The following SGIP1 variants were observed in gnomAD, a reference collection of about 807,000 sequenced individuals.
SGIP1 encodes the protein SH3GL interacting endocytic adaptor 1.
SGIP1 carries 38 observed loss-of-function variants against 107.5 expected under a neutral mutation model. The observed-to-expected ratio is 0.35, with a 90% CI of 0.27 to 0.46. The LOEUF (loss-of-function observed/expected upper bound fraction) is 0.46, where lower values mean the gene tolerates loss of function less well. Ranked by LOEUF, SGIP1 falls within the 20% of genes least tolerant of loss-of-function variation. The probability of loss-of-function intolerance (pLI) is 1.00; values close to 1 mark genes in which losing one functional copy is unlikely to be tolerated. For missense variants in SGIP1, 929 were observed against 1,019.5 expected (o/e 0.91, Z 1.21); for synonymous variants, 365 against 366.1 (o/e 1.00, Z 0.03).
Position 66,740,675 on chromosome 1 carries a change from G to A in SGIP1, c.2252G>A (p.Arg751Lys). Reference protein sequence around the residue: ...PPAVWNAEQQRILWKIPDISQ... With the variant: ...PPAVWNAEQQKILWKIPDISQ... ...ATTTTTAGGAATGCTGAACAACAGA[G>A]AATATTGTGGAAGATTCCTGATATC... Residue 751 changes from arginine (R) to lysine (K), a missense_variant, in exon 23 of 25, where the codon AGA becomes AAA. Arg to Lys is a conservative substitution (Grantham distance 26). Around this residue, in one of 2 missense-constraint regions of SGIP1, gnomAD observed 341 missense variants for 430.9 expected, o/e 0.79. Coordinates refer to ENST00000371037, the MANE Select transcript of SGIP1 (RefSeq NM_032291.4). 4 of 1,607,588 alleles carry A rather than the reference G, an allele frequency of 2.5e-6. No homozygotes were observed. Among genetic ancestry groups the A allele is most frequent in the Non-Finnish European group, 3.4e-6 (4 of 1,175,570 alleles).
At chr1:66,653,306 AT>A (rs111229923) in intron 7 of SGIP1, among the ~76,000 whole-genome samples, 22 of 151,104 alleles carry the variant, frequency 1.5e-4, no homozygotes, top group East Asian at 1.2e-3. Flanking sequence ...TTCATTACTG[AT>A]TTTTTTTTCC....
chr1:66,723,824 T>C (rs1012301835), intron 19 of SGIP1, among the ~76,000 whole-genome samples: 4 of 152,200 alleles, frequency 2.6e-5, no homozygotes, highest in African/African-American at 9.6e-5. Context: ...GACCCAGAAC[T>C]TGTCTTCACA....
intron 18 of SGIP1, among the ~76,000 whole-genome samples, chr1:66,706,308 A>G (rs925842848): frequency 6.9e-6 from 1 of 144,632 alleles, no homozygotes. Flanking sequence ...TATATTATAC[A>G]TAAAATATAA....
Position 66,739,550 on chromosome 1 carries a change from C to T in SGIP1, c.2234+13C>T. ...CACCAGCAGTCTGGTATGAAGCCTC[C>T]TATTCTCTCCACCAAAGGGCTCCTC... On this transcript the variant is annotated intron_variant, in intron 22 of 24. Transcript: ENST00000371037. 6.2e-7 allele frequency: 1 copy of T among 1,612,924 alleles called. No individual in the cohort carries two copies. The highest frequency in any genetic ancestry group is 2.2e-5 in the East Asian group (1 of 44,876).
chr1:66,553,453 A>G (rs2057730727), intron 1 of SGIP1, among the ~76,000 whole-genome samples: 1 of 151,984 alleles, frequency 6.6e-6, no homozygotes, highest in Admixed American at 6.6e-5. Context: ...AGGTGGGTGG[A>G]TCATTTGAGG....
In SGIP1 at chr1:66,643,739, G is replaced by GTGTA; in HGVS notation, c.459+23_459+24insATGT. Reference sequence around the variant, plus strand: ...CCAGTGGTGAGTGTTGTGTGTGTGTGTGTTAAGCTTTAGTGAGATTGAACA... The same window carrying GTGTA: ...CCAGTGGTGAGTGTTGTGTGTGTGTGTGTATGTTAAGCTTTAGTGAGATTGAACA... On this transcript the variant is annotated intron_variant, in intron 7 of 24. Transcript: ENST00000371037. The GTGTA allele has an allele frequency of 6.3e-7, 1 of 1,583,738 alleles. No homozygotes were observed. The highest frequency in any genetic ancestry group is 1.2e-5 in the South Asian group (1 of 85,336).
intron 9 of SGIP1, among the ~76,000 whole-genome samples, chr1:66,670,573 A>G (rs910247821): frequency 7.9e-5 from 12 of 152,230 alleles, no homozygotes; most frequent in Non-Finnish European, 1.8e-4. Flanking sequence ...TTCCATTAGC[A>G]ACCTGGGGAC....
chr1:66,614,476 G>C (rs9787219), intron 1 of SGIP1, among the ~76,000 whole-genome samples: 77,902 of 152,036 alleles, frequency 0.51, 20,953 homozygotes, highest in East Asian at 0.88. Context: ...TACATGCATC[G>C]TGGTAGCCTT....
intron 3 of SGIP1, among the ~76,000 whole-genome samples, chr1:66,634,975 A>C (rs1009249784): frequency 6.6e-6 from 1 of 152,190 alleles, no homozygotes; most frequent in East Asian, 1.9e-4. Flanking sequence ...CTATAGACCC[A>C]GTTCACTTTT....
intron 1 of SGIP1, among the ~76,000 whole-genome samples, chr1:66,558,595 C>T (rs1187895949): frequency 1.3e-5 from 2 of 151,994 alleles, no homozygotes; most frequent in Non-Finnish European, 2.9e-5. Flanking sequence ...ATGTGCCAGA[C>T]ACTGTTCTGG....
chr1:66,690,100 C>A, intron 16 of SGIP1, 90 bp from the exon 17 acceptor site: 2 of 1,461,432 alleles, frequency 1.4e-6, no homozygotes, highest in South Asian at 1.3e-5. Flanking sequence ...CCTAAGTTGT[C>A]ATATCTGGGG....
chr1:66,576,442 T>C (rs1231346167), intron 1 of SGIP1, among the ~76,000 whole-genome samples: 1 of 152,160 alleles, frequency 6.6e-6, no homozygotes, highest in East Asian at 1.9e-4. Flanking sequence ...TTCAAGTCAT[T>C]TACCTTTGTA....
chr1:66,719,216 T>G (rs1229912449), intron 18 of SGIP1, 78 bp from the exon 19 acceptor site: 3 of 941,250 alleles, frequency 3.2e-6, no homozygotes, highest in Non-Finnish European at 4.8e-6. Flanking sequence ...TCCTTAATCC[T>G]TTAATGGGCT....
chr1:66,658,230 A>T (rs2080174024), intron 7 of SGIP1, among the ~76,000 whole-genome samples: 1 of 152,204 alleles, frequency 6.6e-6, no homozygotes, highest in South Asian at 2.1e-4. Flanking sequence ...AACTACAAGG[A>T]TGTAGTCCCT....
intron 17 of SGIP1, 106 bp from the exon 18 acceptor site, chr1:66,695,328 C>T: frequency 6.3e-7 from 1 of 1,593,410 alleles, no homozygotes; most frequent in East Asian, 2.3e-5. Context: ...AGTGCCTCCA[C>T]CCTTCCCTAT....
At chr1:66,602,681 G>A (rs1406721662) in intron 1 of SGIP1, among the ~76,000 whole-genome samples, 4 of 151,918 alleles carry the variant, frequency 2.6e-5, no homozygotes, top group Non-Finnish European at 5.9e-5. Flanking sequence ...AATACTGTAT[G>A]TAAAAGCCCC....
intron 1 of SGIP1, among the ~76,000 whole-genome samples, chr1:66,613,067 T>C (rs965606023): frequency 6.6e-6 from 1 of 152,236 alleles, no homozygotes. Flanking sequence ...TAAACAAGTA[T>C]ACAGCATAGT....
chr1:66,577,627 T>G (rs1285109285), intron 1 of SGIP1, among the ~76,000 whole-genome samples: 2 of 152,192 alleles, frequency 1.3e-5, no homozygotes, highest in Non-Finnish European at 2.9e-5. Flanking sequence ...ATTTCTTTCT[T>G]GTAAGCATGA....
At chr1:66,561,539 A>G (rs1053905887) in intron 1 of SGIP1, among the ~76,000 whole-genome samples, 6 of 152,064 alleles carry the variant, frequency 3.9e-5, no homozygotes, top group African/African-American at 1.2e-4. Context: ...TAAGTATTCA[A>G]TCGAAATTAG....
Sources: gnomAD v4.1 joint callset for allele counts (sites outside exome capture counted in the v4.1 genomes callset) on GRCh38, gnomAD v4.1.1 for gene constraint, gnomAD v4.1.1 regional missense constraint, MANE v1.5 for transcripts, NCBI Gene and HGNC (gene_info 2026-07-23, HGNC 2026-07-21) for gene names.